Variants in SOX5 observed in about 807,000 individuals in gnomAD.
SOX5 encodes SRY-box transcription factor 5, also known as transcription factor SOX-5.
In SOX5, 9 loss-of-function variants were observed where a neutral mutation model predicts 92.0. The observed-to-expected ratio is 0.10, with a 90% CI of 0.06 to 0.17. The LOEUF (loss-of-function observed/expected upper bound fraction) is 0.17, where lower values mean the gene tolerates loss of function less well. Ranked by LOEUF, SOX5 falls within the 10% of genes least tolerant of loss-of-function variation. The pLI is 1.00. For synonymous variants in SOX5, 344 were observed against 336.3 expected (o/e 1.02, Z -0.25); for missense variants, 642 against 944.5 (o/e 0.68, Z 4.20).
chr12:24,287,558 T>C (rs1008718263), intron 2 of SOX5, among the ~76,000 whole-genome samples: 1 of 142,160 alleles, frequency 7.0e-6, no homozygotes, highest in African/African-American at 2.6e-5. Flanking sequence ...TCAGCAGGGC[T>C]AAAGGGCATC....
At chr12:24,063,522 T>C (rs1384470045) in intron 4 of SOX5, among the ~76,000 whole-genome samples, 1 of 152,240 alleles carries the variant, frequency 6.6e-6, no homozygotes, top group Non-Finnish European at 1.5e-5. Context: ...CCACTTGTCA[T>C]AAGTTTCTGG....
chr12:24,432,739 G>A (rs915135920), intron 1 of SOX5, among the ~76,000 whole-genome samples: 3 of 152,082 alleles, frequency 2.0e-5, no homozygotes, highest in Admixed American at 2.0e-4. Context: ...TTGAACCCAG[G>A]AGGCGGAGAT....
intron 2 of SOX5, among the ~76,000 whole-genome samples, chr12:23,851,627 T>G (rs16926782): frequency 0.1 from 15,588 of 152,060 alleles, 949 homozygotes; most frequent in South Asian, 0.17. Flanking sequence ...AGCCTTTCCT[T>G]TTGTCTGAAA....
Position 23,695,678 on chromosome 12 carries a change from A to G in SOX5, c.811-30114T>C, listed in dbSNP as rs187895186. Reference sequence around the variant, plus strand: ...AAATATGGGCCGGGCGCAGTGGCTCACGCCTGTAATCCCAGCACTTTGGGA... The same window carrying G: ...AAATATGGGCCGGGCGCAGTGGCTCGCGCCTGTAATCCCAGCACTTTGGGA... On this transcript the variant is annotated intron_variant, in intron 6 of 14. Coordinates refer to ENST00000451604, the MANE Select transcript of SOX5 (RefSeq NM_006940.6). Among the ~76,000 whole-genome samples the G allele has an allele frequency of 1.1e-3, 170 of 152,292 alleles. 2 individuals are homozygous for G. The East Asian group carries it at 0.027, about 25-fold the overall frequency.
chr12:23,980,997 C>T (rs2136163391), intron 4 of SOX5, among the ~76,000 whole-genome samples: 1 of 152,236 alleles, frequency 6.6e-6, no homozygotes, highest in Admixed American at 6.5e-5. Context: ...ATGGCCAAAA[C>T]AGGAATAACG....
chr12:23,685,766 C>T (rs61925676), intron 6 of SOX5, among the ~76,000 whole-genome samples: 9,054 of 152,092 alleles, frequency 0.06, 410 homozygotes, highest in South Asian at 0.23. Flanking sequence ...ACTCCATGGA[C>T]CCCATGAGGT....
chr12:23,932,499 A>G (rs2093959928), intron 1 of SOX5, among the ~76,000 whole-genome samples: 1 of 151,654 alleles, frequency 6.6e-6, no homozygotes, highest in Admixed American at 6.6e-5. Context: ...TGCTAATATT[A>G]TTGTGATTAT....
chr12:23,839,531 A>G (rs1275831911), intron 3 of SOX5, among the ~76,000 whole-genome samples: 1 of 152,190 alleles, frequency 6.6e-6, no homozygotes, highest in African/African-American at 2.4e-5. Flanking sequence ...AAAACAGATA[A>G]AGACATTACA....
At chr12:24,517,834 C>T (rs922947530) in intron 1 of SOX5, among the ~76,000 whole-genome samples, 1 of 151,552 alleles carries the variant, frequency 6.6e-6, no homozygotes, top group Non-Finnish European at 1.5e-5. Flanking sequence ...AAGTTATTAA[C>T]AAAATCCTAC....
intron 4 of SOX5, among the ~76,000 whole-genome samples, chr12:24,138,208 G>A (rs180881292): frequency 2.4e-4 from 37 of 152,330 alleles, no homozygotes; most frequent in Admixed American, 1.1e-3. Context: ...GAACGGAGGC[G>A]TATCCACTTG....
intron 4 of SOX5, among the ~76,000 whole-genome samples, chr12:24,198,644 G>C (rs1957232580): frequency 6.6e-6 from 1 of 152,068 alleles, no homozygotes; most frequent in Non-Finnish European, 1.5e-5. Context: ...AGCAACCACA[G>C]GAAAAAGAAG....
intron 6 of SOX5, among the ~76,000 whole-genome samples, chr12:23,695,841 T>C (rs2089721651): frequency 6.9e-6 from 1 of 144,976 alleles, no homozygotes; most frequent in South Asian, 2.1e-4. Flanking sequence ...CTCGAGAGGC[T>C]GAGGCAGGAG....
At chr12:23,853,810 T>C (rs2096659389) in intron 2 of SOX5, among the ~76,000 whole-genome samples, 1 of 152,164 alleles carries the variant, frequency 6.6e-6, no homozygotes, top group South Asian at 2.1e-4. Flanking sequence ...GTGTCTTAGT[T>C]ATGTTTAAAC....
intron 3 of SOX5, among the ~76,000 whole-genome samples, chr12:23,758,944 T>C (rs149857659): frequency 1.3e-5 from 2 of 151,914 alleles, no homozygotes; most frequent in African/African-American, 4.8e-5. Context: ...TCTCCAGAAC[T>C]GTGAGAAATA....
chr12:24,249,705 G>C (rs1291502728), intron 3 of SOX5, among the ~76,000 whole-genome samples: 2 of 152,152 alleles, frequency 1.3e-5, no homozygotes, highest in Admixed American at 1.3e-4. Context: ...AGCCAGTAAT[G>C]AACCATTGCA....
intron 4 of SOX5, among the ~76,000 whole-genome samples, chr12:24,108,581 T>C (rs942326849): frequency 9.9e-5 from 15 of 152,146 alleles, no homozygotes; most frequent in Admixed American, 6.5e-5. Context: ...TAAAATGACA[T>C]TAATTATAGC....
At chr12:24,495,374 G>A (rs1024184089) in intron 1 of SOX5, among the ~76,000 whole-genome samples, 1 of 152,142 alleles carries the variant, frequency 6.6e-6, no homozygotes, top group South Asian at 2.1e-4. Context: ...CAACTTTCTG[G>A]TTCTTATTCT....
intron 8 of SOX5, among the ~76,000 whole-genome samples, chr12:23,615,633 C>T (rs139288189): frequency 1.0e-3 from 157 of 152,250 alleles, no homozygotes; most frequent in African/African-American, 2.8e-3. Context: ...AGTTTGCTAA[C>T]GATAATGGCC....
At chr12:24,059,383 C>T (rs1592761189) in intron 4 of SOX5, among the ~76,000 whole-genome samples, 1 of 137,042 alleles carries the variant, frequency 7.3e-6, no homozygotes, top group African/African-American at 2.6e-5. Flanking sequence ...ATAAACCCCA[C>T]ACTTGGCGCT....
Sources: gnomAD v4.1 joint callset for allele counts (sites outside exome capture counted in the v4.1 genomes callset) on GRCh38, gnomAD v4.1.1 for gene constraint, MANE v1.5 for transcripts, NCBI Gene and HGNC (gene_info 2026-07-23, HGNC 2026-07-21) for gene names.